Variants in GPR176 observed in about 807,000 individuals in gnomAD.
The protein encoded by GPR176 is G-protein coupled receptor 176.
A neutral mutation model predicts 35.4 loss-of-function variants in GPR176; 26 were observed. The ratio of observed to expected loss-of-function variants is 0.74; its 90% CI spans 0.54 to 1.02. The LOEUF is 1.02. GPR176 is among the 50% of genes least tolerant of loss of function. GPR176 has a pLI of 0.00. For synonymous variants in GPR176, 278 were observed against 271.3 expected (o/e 1.02, Z -0.24); for missense variants, 597 against 665.3 (o/e 0.90, Z 1.13).
rs145007989 is a variant in GPR176 at position 39,799,275 on chromosome 15, T to C, written c.*1857A>G. 1 of 152,208 alleles carries C rather than the reference T, an allele frequency of 6.6e-6. No individual in the cohort carries two copies. The highest frequency in any genetic ancestry group is 6.5e-5 in the Admixed American group (1 of 15,286). 9.4% of individuals were successfully genotyped at this position (152,208 alleles called of 1,614,324 possible). On this transcript the variant is annotated 3_prime_UTR_variant, in exon 3 of 3. Coordinates refer to ENST00000561100, the MANE Select transcript of GPR176 (RefSeq NM_007223.3). ...AGATTATTATTCCCCTTGATAAAAGTTGTAATGATTGTGAAAGCTTTGAAA... is the reference window on the plus strand; with the variant it reads ...AGATTATTATTCCCCTTGATAAAAGCTGTAATGATTGTGAAAGCTTTGAAA...
intron 1 of GPR176, among the ~76,000 whole-genome samples, chr15:39,885,835 T>TAG (rs1256548928): frequency 6.6e-6 from 1 of 152,250 alleles, no homozygotes; most frequent in Non-Finnish European, 1.5e-5. Context: ...GACACTGATG[T>TAG]AGAAGACAAG....
Position 39,900,979 on chromosome 15 carries a change from A to C in GPR176, c.172+18876T>G, listed in dbSNP as rs180896794. Among the ~76,000 whole-genome samples, 656 of 152,352 alleles carry C rather than the reference A, an allele frequency of 4.3e-3. 4 individuals carry two copies. Among genetic ancestry groups the C allele is most frequent in the African/African-American group, 0.015 (632 of 41,582 alleles). ...ATATCAGGTTGTGAGGCAGAGAACA[A>C]GTGCCTGAAGAGAATGGGAAGCGGT... On this transcript the variant is annotated intron_variant, in intron 1 of 2. Transcript: ENST00000561100.
chr15:39,889,049 T>C (rs780080072), intron 1 of GPR176, among the ~76,000 whole-genome samples: 3 of 152,196 alleles, frequency 2.0e-5, no homozygotes, highest in Non-Finnish European at 4.4e-5. Flanking sequence ...CATCAGAGAA[T>C]CTACACAACA....
At chr15:39,849,734 G>A (rs77663115) in intron 1 of GPR176, among the ~76,000 whole-genome samples, 1,889 of 152,048 alleles carry the variant, frequency 0.012, 59 homozygotes, top group African/African-American at 0.043. Context: ...GGGAAGAGAG[G>A]GAAACTTCCT....
chr15:39,905,011 C>T (rs962054677), intron 1 of GPR176, among the ~76,000 whole-genome samples: 1 of 152,180 alleles, frequency 6.6e-6, no homozygotes, highest in African/African-American at 2.4e-5. Context: ...CCTCCTACAA[C>T]TCCCTCCTCC....
At chr15:39,857,020 G>C (rs118051307) in intron 1 of GPR176, among the ~76,000 whole-genome samples, 3,506 of 152,230 alleles carry the variant, frequency 0.023, 48 homozygotes, top group Non-Finnish European at 0.034. Context: ...GAAGATTCCA[G>C]TGCACAGTAG....
intron 1 of GPR176, among the ~76,000 whole-genome samples, chr15:39,847,520 C>A (rs2030519706): frequency 6.6e-6 from 1 of 151,820 alleles, no homozygotes; most frequent in Non-Finnish European, 1.5e-5. Context: ...CCAAGGAGGG[C>A]CTCACTTAAG....
chr15:39,911,737 G>C (rs1414023357), intron 1 of GPR176, among the ~76,000 whole-genome samples: 1 of 152,182 alleles, frequency 6.6e-6, no homozygotes, highest in Non-Finnish European at 1.5e-5. Context: ...ATGCCTTACA[G>C]TATGTTAAGG....
chr15:39,824,969 C>A (rs1033752806), intron 1 of GPR176, among the ~76,000 whole-genome samples: 10 of 152,068 alleles, frequency 6.6e-5, no homozygotes, highest in African/African-American at 2.4e-4. Flanking sequence ...CTTTGGGAGG[C>A]CAAAGTGGGA....
chr15:39,875,358 A>G (rs2032203090), intron 1 of GPR176, among the ~76,000 whole-genome samples: 1 of 152,214 alleles, frequency 6.6e-6, no homozygotes. Context: ...TTTGACTACA[A>G]AGAAATAATT....
At chr15:39,917,341 CT>C (rs766888618) in intron 1 of GPR176, among the ~76,000 whole-genome samples, 2,364 of 134,928 alleles carry the variant, frequency 0.018, 19 homozygotes, top group African/African-American at 0.02. Flanking sequence ...TGTGATTGAA[CT>C]TTTTTTTTTT....
chr15:39,812,299 A>G (rs1449018120), intron 1 of GPR176, among the ~76,000 whole-genome samples: 1 of 152,206 alleles, frequency 6.6e-6, no homozygotes, highest in Non-Finnish European at 1.5e-5. Flanking sequence ...CCTTCAATCT[A>G]GGTGGCCACA....
intron 1 of GPR176, among the ~76,000 whole-genome samples, chr15:39,836,854 T>C (rs1901429059): frequency 6.6e-6 from 1 of 152,150 alleles, no homozygotes; most frequent in Non-Finnish European, 1.5e-5. Flanking sequence ...TACTAAATGT[T>C]TGTCAGTGAG....
chr15:39,830,997 G>A (rs1901041250), intron 1 of GPR176, among the ~76,000 whole-genome samples: 1 of 152,138 alleles, frequency 6.6e-6, no homozygotes, highest in African/African-American at 2.4e-5. Context: ...AGATCAAAGA[G>A]CATTATCTTT....
At chr15:39,910,379 G>C (rs1049350075) in intron 1 of GPR176, among the ~76,000 whole-genome samples, 16 of 152,080 alleles carry the variant, frequency 1.1e-4, no homozygotes. Flanking sequence ...CCTGAAGTCA[G>C]TAGTTTAAGA....
intron 1 of GPR176, among the ~76,000 whole-genome samples, chr15:39,912,085 C>T (rs1414747381): frequency 2.6e-5 from 4 of 151,976 alleles, no homozygotes; most frequent in Non-Finnish European, 5.9e-5. Flanking sequence ...CATTGGGCAT[C>T]CAAAATGAAC....
intron 1 of GPR176, chr15:39,894,606 C>G (rs1390803796): frequency 1.1e-5 from 2 of 179,106 alleles, no homozygotes; most frequent in African/African-American, 4.8e-5. Context: ...AGGCGCTCCC[C>G]ACATCTCAGA....
chr15:39,879,557 C>T (rs889398577), intron 1 of GPR176, among the ~76,000 whole-genome samples: 2 of 152,134 alleles, frequency 1.3e-5, no homozygotes, highest in Non-Finnish European at 2.9e-5. Context: ...CCTCCTTGAC[C>T]TTACTCCCCT....
At chr15:39,862,038 T>G (rs2031618848) in intron 1 of GPR176, 1 of 152,244 alleles carries the variant, frequency 6.6e-6, no homozygotes, top group African/African-American at 2.4e-5. Context: ...TGACTAGAAC[T>G]GCTGACCCTC....
Sources: allele counts gnomAD v4.1 joint callset (sites outside exome capture counted in the v4.1 genomes callset), GRCh38; gene constraint gnomAD v4.1.1; transcripts MANE v1.5; gene names NCBI Gene and HGNC (gene_info 2026-07-23, HGNC 2026-07-21).